SOX5: variants seen among roughly 807,000 people sequenced by gnomAD.
The protein encoded by SOX5 is SRY-box transcription factor 5.
A neutral mutation model predicts 92.0 loss-of-function variants in SOX5; 9 were observed. That is an observed-to-expected ratio of 0.10 (90% confidence interval 0.06 to 0.17). SOX5 has a LOEUF of 0.17. Ranked by LOEUF, SOX5 falls within the 10% of genes least tolerant of loss-of-function variation. The pLI is 1.00. For missense variants in SOX5, 642 were observed against 944.5 expected (o/e 0.68, Z 4.20); for synonymous variants, 344 against 336.3 (o/e 1.02, Z -0.25).
intron 6 of SOX5, among the ~76,000 whole-genome samples, chr12:23,671,399 G>A (rs1443520586): frequency 6.6e-6 from 1 of 152,150 alleles, no homozygotes; most frequent in Non-Finnish European, 1.5e-5. Context: ...CACCTTCAGT[G>A]GGGAGCATAG....
chr12:24,473,693 A>C (rs974711160), intron 1 of SOX5, among the ~76,000 whole-genome samples: 4 of 152,232 alleles, frequency 2.6e-5, no homozygotes, highest in Admixed American at 2.0e-4. Context: ...GTACAGGTGT[A>C]AGACTGAGCC....
At chr12:24,072,051 C>T (rs2137452056) in intron 4 of SOX5, among the ~76,000 whole-genome samples, 1 of 152,206 alleles carries the variant, frequency 6.6e-6, no homozygotes, top group Admixed American at 6.5e-5. Flanking sequence ...TTCAGGTTTC[C>T]CAATTCTCAT....
chr12:23,671,009 G>C (rs927894171), intron 6 of SOX5, among the ~76,000 whole-genome samples: 3 of 152,162 alleles, frequency 2.0e-5, no homozygotes, highest in Non-Finnish European at 4.4e-5. Context: ...CAAGTTATGA[G>C]GAAATAAAAA....
chr12:23,859,006 C>A (rs1238545723), intron 2 of SOX5, among the ~76,000 whole-genome samples: 1 of 152,186 alleles, frequency 6.6e-6, no homozygotes, highest in Non-Finnish European at 1.5e-5. Flanking sequence ...TTAATCCCAT[C>A]ATCTTCATTA....
chr12:23,983,049 T>C (rs569713430), intron 4 of SOX5, among the ~76,000 whole-genome samples: 11 of 152,016 alleles, frequency 7.2e-5, no homozygotes, highest in African/African-American at 2.4e-4. Context: ...GAGTTAGTCT[T>C]GGACAGCAAC....
At chr12:23,624,486 G>C (rs10505897) in intron 8 of SOX5, among the ~76,000 whole-genome samples, 13,025 of 152,198 alleles carry the variant, frequency 0.086, 682 homozygotes, top group Non-Finnish European at 0.11. Flanking sequence ...GAGTAATATA[G>C]AGAGAAAACC....
At position 23,912,241 on chromosome 12, in the gene SOX5, TAAG is replaced by T. The variant is rs376432135; in HGVS notation, c.39-16220_39-16218del. ...GATATACAAATGATCAGTAAGCACA[TAAG>T]AAGATGCTCAACAGCATTAGTTATC... On this transcript the variant is annotated intron_variant, in intron 1 of 14. Transcript: ENST00000451604. Among the ~76,000 whole-genome samples, 22 of 152,160 alleles carry T rather than the reference TAAG, an allele frequency of 1.4e-4. No individual in the cohort carries two copies. In the East Asian group the frequency reaches 4.1e-3, roughly 28 times the overall value.
intron 4 of SOX5, among the ~76,000 whole-genome samples, chr12:24,072,344 CATATA>C (rs1289892830): frequency 6.6e-6 from 1 of 152,062 alleles, no homozygotes; most frequent in Non-Finnish European, 1.5e-5. Flanking sequence ...AACAGATTGT[CATATA>C]AAAGATTGTA....
intron 2 of SOX5, among the ~76,000 whole-genome samples, chr12:23,873,508 G>A (rs1198951949): frequency 2.0e-5 from 3 of 152,034 alleles, no homozygotes; most frequent in Non-Finnish European, 4.4e-5. Flanking sequence ...CAGTGCCATT[G>A]CTGACACCAA....
At chr12:24,316,324 C>A (rs1949695276) in intron 2 of SOX5, among the ~76,000 whole-genome samples, 1 of 152,160 alleles carries the variant, frequency 6.6e-6, no homozygotes, top group South Asian at 2.1e-4. Flanking sequence ...AGGAGTTCAC[C>A]ACCTTTGGCC....
chr12:23,542,096 C>A lies in SOX5; in HGVS notation c.1771+1115G>T, dbSNP rs111401866. On this transcript the variant is annotated intron_variant, in intron 13 of 14. Coordinates refer to ENST00000451604, the MANE Select transcript of SOX5 (RefSeq NM_006940.6). ...CTGCACTCCAGCCTGGGCGGTAAAG[C>A]GAGACTCCATCTGCAAAACAAAACC... Among the ~76,000 whole-genome samples, 8 of 152,266 alleles carry A rather than the reference C, an allele frequency of 5.3e-5. 1 individual carries two copies. The highest frequency in any genetic ancestry group is 1.9e-4 in the African/African-American group (8 of 41,552).
rs117951761 is a variant in SOX5, at chr12:24,373,675, T to G, written c.-250-5036A>C. Among the ~76,000 whole-genome samples the G allele has an allele frequency of 3.7e-3, 558 of 152,326 alleles. 1 individual carries two copies. The highest frequency in any genetic ancestry group is 7.5e-3 in the Admixed American group (115 of 15,294). ...ATGCACACAAACACAGATATCAAAA[T>G]GGATATATATAGATATCTATATGTA... On this transcript the variant is annotated intron_variant, in intron 1 of 4. Transcript: ENST00000446891.
intron 4 of SOX5, among the ~76,000 whole-genome samples, chr12:24,033,007 A>C (rs1420902070): frequency 6.6e-6 from 1 of 151,958 alleles, no homozygotes. Context: ...ATCTTGAATT[A>C]CATTAAAAGT....
chr12:23,903,709 G>A (rs1383231713), intron 1 of SOX5, among the ~76,000 whole-genome samples: 1 of 152,192 alleles, frequency 6.6e-6, no homozygotes, highest in Non-Finnish European at 1.5e-5. Flanking sequence ...TGGAAGTTAT[G>A]TGCCTTAAGT....
chr12:23,941,755 T>A (rs906676401), intron 1 of SOX5, among the ~76,000 whole-genome samples: 2 of 151,478 alleles, frequency 1.3e-5, no homozygotes, highest in Admixed American at 6.6e-5. Flanking sequence ...AACTGAATAG[T>A]TTGAGCACCA....
At position 24,106,588 on chromosome 12, in the gene SOX5, C is replaced by T. The variant is rs531471790; in HGVS notation, c.-2+106755G>A. 3.3e-5 allele frequency among the ~76,000 whole-genome samples: 5 copies of T among 151,944 alleles called. No homozygotes were observed. The East Asian group carries it at 5.8e-4, about 18-fold the overall frequency. On this transcript the variant is annotated intron_variant, in intron 4 of 4. Transcript: ENST00000446891. Reference sequence around the variant, plus strand: ...GGCGGATCACCTGAGGTCAGCAGTTCGAGACCAGCCTGGCTAACATGGTGA... The same window carrying T: ...GGCGGATCACCTGAGGTCAGCAGTTTGAGACCAGCCTGGCTAACATGGTGA...
At chr12:23,773,146 C>T (rs2141583640) in intron 3 of SOX5, among the ~76,000 whole-genome samples, 1 of 152,096 alleles carries the variant, frequency 6.6e-6, no homozygotes, top group Middle Eastern at 3.4e-3. Context: ...ATTGTTAATT[C>T]TAGCTAAAAG....
chr12:24,005,033 T>C (rs988578233), intron 4 of SOX5, among the ~76,000 whole-genome samples: 2 of 152,132 alleles, frequency 1.3e-5, no homozygotes, highest in Non-Finnish European at 2.9e-5. Context: ...TATTGTATGA[T>C]TCCAATTATA....
chr12:24,017,587 G>C (rs995458572), intron 4 of SOX5, among the ~76,000 whole-genome samples: 1 of 151,852 alleles, frequency 6.6e-6, no homozygotes, highest in Admixed American at 6.6e-5. Flanking sequence ...GTGACAGAGT[G>C]AGACTCTATC....
Sources: gnomAD v4.1 joint callset for allele counts (sites outside exome capture counted in the v4.1 genomes callset) on GRCh38, gnomAD v4.1.1 for gene constraint, MANE v1.5 for transcripts, NCBI Gene and HGNC (gene_info 2026-07-23, HGNC 2026-07-21) for gene names.